The following TENM3 variants were observed in gnomAD, a reference collection of about 807,000 sequenced individuals.
TENM3 encodes teneurin-3.
In TENM3, 63 loss-of-function variants were observed where a neutral mutation model predicts 255.1. That is an observed-to-expected ratio of 0.25 (90% CI 0.20 to 0.30). TENM3 has a LOEUF of 0.30. TENM3 is among the 10% of genes least tolerant of loss of function. The pLI, the probability that TENM3 is intolerant of heterozygous loss-of-function variation, is 1.00. For synonymous variants in TENM3, 1,306 were observed against 1,322.3 expected, an observed-to-expected ratio of 0.99 and a Z score of 0.27; for missense variants, 2,929 against 3,461.1, an observed-to-expected ratio of 0.85 and a Z score of 3.86.
At chr4:181,849,300 GTGAGA>G in the TENM3 span, among the ~76,000 whole-genome samples, 1 of 152,210 alleles carries the variant, frequency 6.6e-6, no homozygotes, top group South Asian at 2.1e-4. Context: ...TGAGAAAGAT[GTGAGA>G]GTTTACAGGC....
At chr4:181,781,090 G>T in the TENM3 span, among the ~76,000 whole-genome samples, 1 of 152,248 alleles carries the variant, frequency 6.6e-6, no homozygotes, top group Non-Finnish European at 1.5e-5. Flanking sequence ...GCTTAGGATT[G>T]ACTTGGCAAT....
the TENM3 span, among the ~76,000 whole-genome samples, chr4:181,625,315 C>T: frequency 6.6e-6 from 1 of 152,152 alleles, no homozygotes; most frequent in Non-Finnish European, 1.5e-5. Flanking sequence ...AACAGGTTTG[C>T]TTCTGTTACA....
intron 3 of TENM3, among the ~76,000 whole-genome samples, chr4:182,567,604 C>T (rs1353949822): frequency 6.6e-6 from 1 of 151,990 alleles, no homozygotes; most frequent in Admixed American, 6.6e-5. Context: ...TTGTACTGTC[C>T]CTTATCAGGA....
chr4:181,959,623 T>A, the TENM3 span, among the ~76,000 whole-genome samples: 1 of 152,226 alleles, frequency 6.6e-6, no homozygotes, highest in African/African-American at 2.4e-5. Flanking sequence ...CCATACCTTT[T>A]AATCTTTTTC....
At chr4:182,122,513 C>T in the TENM3 span, among the ~76,000 whole-genome samples, 107 of 152,204 alleles carry the variant, frequency 7.0e-4, no homozygotes, top group Non-Finnish European at 1.2e-3. Context: ...TCTTGGGTGA[C>T]CAGGTATGTT....
the TENM3 span, among the ~76,000 whole-genome samples, chr4:181,857,576 C>CAAAAAAAAAA: frequency 2.6e-5 from 1 of 38,708 alleles, no homozygotes; most frequent in African/African-American, 1.6e-4. Flanking sequence ...AAAAAAAAAA[C>CAAAAAAAAAA]AAAACAAAAC....
At chr4:182,014,374 T>C in the TENM3 span, among the ~76,000 whole-genome samples, 1 of 151,960 alleles carries the variant, frequency 6.6e-6, no homozygotes, top group African/African-American at 2.4e-5. Context: ...CACAAAACTC[T>C]TTCCCAAAAC....
chr4:182,433,367 G>C (rs1356678712), intron 3 of TENM3, among the ~76,000 whole-genome samples: 1 of 152,186 alleles, frequency 6.6e-6, no homozygotes, highest in Non-Finnish European at 1.5e-5. Flanking sequence ...ACATCCTACA[G>C]AAGACATTAA....
chr4:182,538,763 TG>T (rs1465281589), intron 3 of TENM3, among the ~76,000 whole-genome samples: 1 of 152,096 alleles, frequency 6.6e-6, no homozygotes, highest in East Asian at 1.9e-4. Context: ...ATAGTATGGA[TG>T]TAAAAGCAAA....
At chr4:182,427,561 A>G (rs1244691417) in intron 3 of TENM3, among the ~76,000 whole-genome samples, 1 of 152,152 alleles carries the variant, frequency 6.6e-6, no homozygotes, top group Non-Finnish European at 1.5e-5. Flanking sequence ...TGTAAACTGC[A>G]AGTCTAAGAG....
the TENM3 span, among the ~76,000 whole-genome samples, chr4:181,930,702 A>T: frequency 1.3e-5 from 2 of 152,200 alleles, no homozygotes; most frequent in Non-Finnish European, 2.9e-5. Flanking sequence ...AACCTGGCAG[A>T]CACACAACAA....
intron 4 of TENM3, among the ~76,000 whole-genome samples, chr4:182,613,580 A>G (rs1561003251): frequency 6.6e-6 from 1 of 152,156 alleles, no homozygotes; most frequent in Admixed American, 6.6e-5. Context: ...TAAGACTATG[A>G]GAAGTAAGTG....
chr4:182,672,079 A>G (rs1318249342), intron 6 of TENM3, among the ~76,000 whole-genome samples: 1 of 152,214 alleles, frequency 6.6e-6, no homozygotes, highest in Non-Finnish European at 1.5e-5. Context: ...CAATGTAGTT[A>G]TATTTCCACT....
chr4:181,870,161 A>C, the TENM3 span, among the ~76,000 whole-genome samples: 76 of 152,288 alleles, frequency 5.0e-4, no homozygotes, highest in Non-Finnish European at 9.7e-4. Context: ...GACAGTAGTC[A>C]TACATTTATT....
chr4:181,491,821 A>G, the TENM3 span, among the ~76,000 whole-genome samples: 1 of 152,138 alleles, frequency 6.6e-6, no homozygotes, highest in Non-Finnish European at 1.5e-5. Flanking sequence ...TAATTTATCT[A>G]CTTATGTAAA....
chr4:181,494,345 C>T, the TENM3 span, among the ~76,000 whole-genome samples: 10 of 152,208 alleles, frequency 6.6e-5, no homozygotes, highest in African/African-American at 2.2e-4. Context: ...AGTGCAATGG[C>T]GCAATCTTAG....
At chr4:182,447,799 A>T (rs1189177978) in intron 3 of TENM3, among the ~76,000 whole-genome samples, 3 of 152,184 alleles carry the variant, frequency 2.0e-5, no homozygotes, top group African/African-American at 4.8e-5. Context: ...AGCACCGGTG[A>T]ATCTAAAAAT....
intron 1 of TENM3, among the ~76,000 whole-genome samples, chr4:182,234,700 C>T (rs1187570538): frequency 6.6e-6 from 1 of 151,954 alleles, no homozygotes; most frequent in Non-Finnish European, 1.5e-5. Flanking sequence ...CCACTGCACT[C>T]CAGCCTGGGT....
the TENM3 span, among the ~76,000 whole-genome samples, chr4:182,036,515 C>T: frequency 2.0e-5 from 3 of 152,172 alleles, no homozygotes; most frequent in Non-Finnish European, 4.4e-5. Flanking sequence ...TGTCTCACTA[C>T]ATGAGGGCAA....
Sources: gnomAD v4.1 joint callset for allele counts (sites outside exome capture counted in the v4.1 genomes callset) on GRCh38, gnomAD v4.1.1 for gene constraint, MANE v1.5 for transcripts, NCBI Gene and HGNC (gene_info 2026-07-23, HGNC 2026-07-21) for gene names.